The following CCDC102B variants were observed in gnomAD, a reference collection of about 807,000 sequenced individuals.
CCDC102B encodes the protein coiled-coil domain containing 102B, also known as coiled-coil domain-containing protein 102B.
CCDC102B carries 75 observed loss-of-function variants against 57.4 expected under a neutral mutation model. That is an observed-to-expected ratio of 1.31 (90% CI 1.08 to 1.58). The LOEUF (loss-of-function observed/expected upper bound fraction) is 1.58. CCDC102B is among the 40% of genes most tolerant of loss of function. The probability of loss-of-function intolerance (pLI) is 0.00; values close to 1 mark genes in which losing one functional copy is unlikely to be tolerated. For missense variants in CCDC102B, 636 were observed against 582.6 expected (o/e 1.09, Z -0.94); for synonymous variants, 206 against 201.9 (o/e 1.02, Z -0.17).
chr18:68,959,058 G>T (rs2049980564), intron 6 of CCDC102B, among the ~76,000 whole-genome samples: 1 of 152,244 alleles, frequency 6.6e-6, no homozygotes, highest in Middle Eastern at 3.4e-3. Flanking sequence ...TCTTGATGCT[G>T]TTGATGTTCA....
At chr18:68,813,035 T>C (rs1431922713) in intron 1 of CCDC102B, among the ~76,000 whole-genome samples, 2 of 152,002 alleles carry the variant, frequency 1.3e-5, no homozygotes, top group African/African-American at 4.8e-5. Context: ...AAATCTCTTA[T>C]TGAATTGTAA....
chr18:68,747,740 G>T (rs1222548966), intron 2 of CCDC102B, among the ~76,000 whole-genome samples: 2 of 152,062 alleles, frequency 1.3e-5, no homozygotes, highest in Non-Finnish European at 2.9e-5. Context: ...ATCATTATAT[G>T]TATATATCAC....
chr18:68,946,686 T>G (rs1433579293), intron 6 of CCDC102B, among the ~76,000 whole-genome samples: 1 of 152,054 alleles, frequency 6.6e-6, no homozygotes, highest in Non-Finnish European at 1.5e-5. Context: ...ATCATGGTGG[T>G]AAGATGTTTC....
At chr18:68,955,852 T>G (rs2049831027) in intron 6 of CCDC102B, among the ~76,000 whole-genome samples, 1 of 152,054 alleles carries the variant, frequency 6.6e-6, no homozygotes, top group Admixed American at 6.6e-5. Flanking sequence ...TGTGTAGTAA[T>G]CACATCAGGG....
chr18:68,761,325 G>T (rs2034246546), intron 2 of CCDC102B, among the ~76,000 whole-genome samples: 1 of 151,976 alleles, frequency 6.6e-6, no homozygotes, highest in East Asian at 1.9e-4. Flanking sequence ...TTTGAAATCT[G>T]TTGGAAGTTT....
chr18:68,902,562 A>G (rs2040492188), intron 6 of CCDC102B, among the ~76,000 whole-genome samples: 1 of 152,208 alleles, frequency 6.6e-6, no homozygotes, highest in Middle Eastern at 3.2e-3. Flanking sequence ...CAACATATTC[A>G]TCTAACCAGT....
intron 7 of CCDC102B, among the ~76,000 whole-genome samples, chr18:69,049,996 G>A (rs1599903677): frequency 1.3e-5 from 2 of 152,186 alleles, no homozygotes; most frequent in East Asian, 1.9e-4. Context: ...TTTTAGTAGA[G>A]GCAAGGTTTC....
chr18:68,741,653 A>G (rs890609807), intron 2 of CCDC102B, among the ~76,000 whole-genome samples: 2 of 146,166 alleles, frequency 1.4e-5, no homozygotes, highest in Non-Finnish European at 3.0e-5. Flanking sequence ...ATTTTGTCCA[A>G]ATGTGAAGAC....
At chr18:68,857,250 ATTAT>A (rs1182265844) in intron 4 of CCDC102B, among the ~76,000 whole-genome samples, 1 of 80,618 alleles carries the variant, frequency 1.2e-5, no homozygotes, top group East Asian at 2.8e-4. Context: ...ATATATATTT[ATTAT>A]TTAAATATAT....
intron 5 of CCDC102B, among the ~76,000 whole-genome samples, chr18:68,879,531 C>A (rs972202678): frequency 6.6e-6 from 1 of 152,024 alleles, no homozygotes; most frequent in African/African-American, 2.4e-5. Context: ...TTCTCCACGT[C>A]CCCACCAGAT....
At chr18:68,990,097 C>A (rs1171395250) in intron 6 of CCDC102B, among the ~76,000 whole-genome samples, 1 of 152,182 alleles carries the variant, frequency 6.6e-6, no homozygotes. Flanking sequence ...ATCAGTGAAG[C>A]ACCATCTCTT....
intron 7 of CCDC102B, among the ~76,000 whole-genome samples, chr18:69,040,987 G>A (rs574691001): frequency 6.6e-6 from 1 of 152,032 alleles, no homozygotes; most frequent in Admixed American, 6.6e-5. Flanking sequence ...GAAAGTTCCT[G>A]CCATTACTGT....
chr18:68,801,520 TAGA>T (rs139145030), intron 1 of CCDC102B, among the ~76,000 whole-genome samples: 1,612 of 152,226 alleles, frequency 0.011, 19 homozygotes, highest in East Asian at 0.055. Flanking sequence ...AAAATTTTGA[TAGA>T]AGGATTTTTT....
chr18:68,725,051 G>A (rs543301596), intron 2 of CCDC102B, among the ~76,000 whole-genome samples: 5 of 152,338 alleles, frequency 3.3e-5, no homozygotes, highest in African/African-American at 1.2e-4. Context: ...GGCAGCAGGA[G>A]AGAGAAGCGG....
At chr18:68,806,055 AT>A in intron 1 of CCDC102B, among the ~76,000 whole-genome samples, 1 of 149,976 alleles carries the variant, frequency 6.7e-6, no homozygotes, top group Admixed American at 6.6e-5. Flanking sequence ...TTACAAGCCC[AT>A]AATTTTTTTA....
intron 2 of CCDC102B, among the ~76,000 whole-genome samples, chr18:68,756,326 G>T (rs1305542879): frequency 6.6e-6 from 1 of 151,964 alleles, no homozygotes; most frequent in Admixed American, 6.6e-5. Flanking sequence ...TAAATAGATG[G>T]TTCTCTGAAC....
chr18:68,910,984 G>T (rs533690964), intron 6 of CCDC102B, among the ~76,000 whole-genome samples: 1 of 152,260 alleles, frequency 6.6e-6, no homozygotes, highest in South Asian at 2.1e-4. Flanking sequence ...TACACTGTTG[G>T]TGGGAGTGTA....
chr18:68,959,460 G>C (rs957207880), intron 6 of CCDC102B, among the ~76,000 whole-genome samples: 1 of 152,146 alleles, frequency 6.6e-6, no homozygotes, highest in Non-Finnish European at 1.5e-5. Flanking sequence ...CCTGAAGCCA[G>C]CACTGCACTG....
At chr18:69,055,354 A>C (rs2052798865), downstream of CCDC102B, among the ~76,000 whole-genome samples, 1 of 152,020 alleles carries the variant, frequency 6.6e-6, no homozygotes, top group Admixed American at 6.6e-5. Context: ...GTAGTAATGA[A>C]ATCTATCTTG....
Sources: gnomAD v4.1 joint callset for allele counts (sites outside exome capture counted in the v4.1 genomes callset) on GRCh38, gnomAD v4.1.1 for gene constraint, MANE v1.5 for transcripts, NCBI Gene and HGNC (gene_info 2026-07-23, HGNC 2026-07-21) for gene names.